The following POU6F2 variants were observed in gnomAD, a reference collection of about 807,000 sequenced individuals.
The protein encoded by POU6F2 is POU domain, class 6, transcription factor 2.
A neutral mutation model predicts 71.3 loss-of-function variants in POU6F2; 31 were observed. The ratio of observed to expected loss-of-function variants is 0.43; its 90% CI spans 0.33 to 0.59. The LOEUF is 0.59. Among genes scored for constraint, POU6F2 ranks in the 20% least tolerant of loss-of-function variants. The probability of loss-of-function intolerance (pLI) is 0.04; values close to 1 mark genes in which losing one functional copy is unlikely to be tolerated. For synonymous variants in POU6F2, 347 were observed against 355.7 expected (o/e 0.98, Z 0.27); for missense variants, 783 against 856.8 (o/e 0.91, Z 1.07).
At chr7:39,015,837 A>ATTATATAGGT (rs1436848427) in intron 1 of POU6F2, among the ~76,000 whole-genome samples, 9 of 38,412 alleles carry the variant, frequency 2.3e-4, no homozygotes, top group South Asian at 9.2e-4. Flanking sequence ...ATAGATATAT[A>ATTATATAGGT]ATATATTATA....
At chr7:39,112,344 A>G (rs1210897824) in intron 2 of POU6F2, among the ~76,000 whole-genome samples, 1 of 152,214 alleles carries the variant, frequency 6.6e-6, no homozygotes, top group African/African-American at 2.4e-5. Context: ...TGCTCGCTAT[A>G]ACAAAATGTT....
At chr7:39,000,873 G>A (rs1209673706) in intron 1 of POU6F2, among the ~76,000 whole-genome samples, 1 of 151,972 alleles carries the variant, frequency 6.6e-6, no homozygotes, top group Non-Finnish European at 1.5e-5. Context: ...CAACACCTTG[G>A]TCCTTGGCAA....
chr7:39,282,401 C>A (rs573977562), intron 4 of POU6F2, among the ~76,000 whole-genome samples: 1 of 152,072 alleles, frequency 6.6e-6, no homozygotes, highest in Admixed American at 6.5e-5. Flanking sequence ...TCTATGTTTT[C>A]TTCTATCATT....
chr7:39,100,814 A>C (rs901442021), intron 2 of POU6F2, among the ~76,000 whole-genome samples: 8 of 152,122 alleles, frequency 5.3e-5, no homozygotes, highest in Non-Finnish European at 1.2e-4. Flanking sequence ...TTGGGTAACC[A>C]AACTTAAATC....
chr7:39,255,162 C>G (rs1380560281), intron 4 of POU6F2, among the ~76,000 whole-genome samples: 1 of 152,080 alleles, frequency 6.6e-6, no homozygotes, highest in Non-Finnish European at 1.5e-5. Context: ...CACTTTGATT[C>G]TAAACAAATG....
intron 2 of POU6F2, among the ~76,000 whole-genome samples, chr7:39,092,851 G>A (rs1791383846): frequency 1.3e-5 from 2 of 152,144 alleles, no homozygotes; most frequent in East Asian, 1.9e-4. Context: ...AATAACATTA[G>A]ATCTCTTGAG....
chr7:39,133,875 T>C (rs1467803467), intron 2 of POU6F2, among the ~76,000 whole-genome samples: 1 of 152,134 alleles, frequency 6.6e-6, no homozygotes, highest in Non-Finnish European at 1.5e-5. Flanking sequence ...AATGCATAAA[T>C]TTTTTTCTTT....
intron 5 of POU6F2, among the ~76,000 whole-genome samples, chr7:39,346,067 A>AT (rs1180016432): frequency 1.3e-5 from 2 of 152,154 alleles, no homozygotes; most frequent in Non-Finnish European, 2.9e-5. Context: ...GCAAGGGACA[A>AT]TTTTTCCTTT....
intron 4 of POU6F2, among the ~76,000 whole-genome samples, chr7:39,222,633 T>A (rs1794392270): frequency 6.6e-6 from 1 of 152,238 alleles, no homozygotes; most frequent in Non-Finnish European, 1.5e-5. Context: ...CCACTCTGGG[T>A]ACCTCATAGA....
intron 5 of POU6F2, among the ~76,000 whole-genome samples, chr7:39,349,495 C>G (rs978560606): frequency 5.3e-5 from 8 of 152,164 alleles, no homozygotes; most frequent in African/African-American, 1.9e-4. Flanking sequence ...TTGCACCCTC[C>G]TCATCTTTTG....
intron 2 of POU6F2, among the ~76,000 whole-genome samples, chr7:39,167,629 T>G (rs1378288591): frequency 1.3e-5 from 2 of 152,162 alleles, no homozygotes; most frequent in Non-Finnish European, 2.9e-5. Flanking sequence ...ACTTCTTTAA[T>G]TACTAGTGAT....
At chr7:39,353,604 C>T (rs1010710097) in intron 5 of POU6F2, among the ~76,000 whole-genome samples, 1 of 152,224 alleles carries the variant, frequency 6.6e-6, no homozygotes, top group Non-Finnish European at 1.5e-5. Flanking sequence ...AATGGGGAAA[C>T]ATGACATTGT....
chr7:39,429,347 A>G (rs574142611), intron 6 of POU6F2, among the ~76,000 whole-genome samples: 10 of 151,834 alleles, frequency 6.6e-5, no homozygotes, highest in Non-Finnish European at 1.2e-4. Context: ...GACCATCCCC[A>G]CCTTTCTTCC....
At chr7:39,136,482 C>G (rs921309504) in intron 2 of POU6F2, among the ~76,000 whole-genome samples, 1 of 152,100 alleles carries the variant, frequency 6.6e-6, no homozygotes, top group African/African-American at 2.4e-5. Flanking sequence ...CACCAACGTC[C>G]TGGGGTAGAA....
intron 4 of POU6F2, among the ~76,000 whole-genome samples, chr7:39,331,567 G>A (rs1285636375): frequency 6.6e-6 from 1 of 152,126 alleles, no homozygotes; most frequent in African/African-American, 2.4e-5. Context: ...GAGTGCAGTG[G>A]TGCGATCTCG....
intron 1 of POU6F2, among the ~76,000 whole-genome samples, chr7:39,001,319 A>C (rs1457365089): frequency 1.3e-5 from 2 of 151,908 alleles, no homozygotes; most frequent in Non-Finnish European, 2.9e-5. Context: ...GCGATATATT[A>C]TTTAATTCAT....
chr7:39,418,993 ATG>A (rs796451279), intron 6 of POU6F2, among the ~76,000 whole-genome samples: 1 of 134,098 alleles, frequency 7.5e-6, no homozygotes, highest in South Asian at 2.3e-4. Context: ...ATGTGTATAT[ATG>A]TGTATATATG....
intron 4 of POU6F2, among the ~76,000 whole-genome samples, chr7:39,282,643 G>A (rs1784581313): frequency 6.6e-6 from 1 of 151,982 alleles, no homozygotes; most frequent in Admixed American, 6.6e-5. Context: ...TGGTCTTGGG[G>A]TCTGTTTTTC....
intron 2 of POU6F2, among the ~76,000 whole-genome samples, chr7:39,110,158 C>A (rs1357918505): frequency 2.0e-5 from 3 of 151,180 alleles, no homozygotes; most frequent in Non-Finnish European, 4.4e-5. Context: ...GTAATCCCAG[C>A]TACTCAGGAG....
Sources: allele counts gnomAD v4.1 joint callset (sites outside exome capture counted in the v4.1 genomes callset), GRCh38; gene constraint gnomAD v4.1.1; transcripts MANE v1.5; gene names NCBI Gene and HGNC (gene_info 2026-07-23, HGNC 2026-07-21).